PID1: variants seen among roughly 807,000 people sequenced by gnomAD.
PID1 encodes phosphotyrosine interaction domain containing 1, also known as PTB-containing, cubilin and LRP1-interacting protein.
PID1 carries 10 observed loss-of-function variants against 19.1 expected under a neutral mutation model. The ratio of observed to expected loss-of-function variants is 0.52; its 90% CI spans 0.32 to 0.89. The LOEUF (loss-of-function observed/expected upper bound fraction) is 0.89, where lower values mean the gene tolerates loss of function less well. PID1 is among the 40% of genes least tolerant of loss of function. PID1 has a pLI of 0.03. For synonymous variants in PID1, 130 were observed against 116.0 expected, an observed-to-expected ratio of 1.12 and a Z score of -0.78; for missense variants, 248 against 285.3, an observed-to-expected ratio of 0.87 and a Z score of 0.94.
chr2:229,055,182 C>A (rs966211067), intron 2 of PID1, among the ~76,000 whole-genome samples: 1 of 152,202 alleles, frequency 6.6e-6, no homozygotes. Flanking sequence ...GTGAAACATG[C>A]ATGGGTGCCT....
intron 1 of PID1, among the ~76,000 whole-genome samples, chr2:229,214,318 G>A (rs1691799791): frequency 6.6e-6 from 1 of 152,126 alleles, no homozygotes; most frequent in Non-Finnish European, 1.5e-5. Context: ...TTGACCGAGA[G>A]CCTGGAGCAG....
Position 229,102,285 on chromosome 2 carries a change from A to T in PID1, c.177+53533T>A, listed in dbSNP as rs565654960. 4.1e-4 allele frequency among the ~76,000 whole-genome samples: 62 copies of T among 152,092 alleles called. 1 individual carries two copies. The highest frequency in any genetic ancestry group is 1.4e-3 in the African/African-American group (58 of 41,526). On this transcript the variant is annotated intron_variant, in intron 2 of 2. Transcript: ENST00000392055. ...ATATAGAACTGTTCTATAACAAGTT[A>T]AAAAAAATACATTTAAAGACTCATC...
chr2:229,087,876 T>C (rs928456413), intron 2 of PID1, among the ~76,000 whole-genome samples: 3 of 152,144 alleles, frequency 2.0e-5, no homozygotes, highest in African/African-American at 7.2e-5. Flanking sequence ...CCTTTGTCCT[T>C]CAATTAGTCA....
intron 1 of PID1, among the ~76,000 whole-genome samples, chr2:229,162,250 T>C (rs551281370): frequency 6.6e-6 from 1 of 152,282 alleles, no homozygotes; most frequent in South Asian, 2.1e-4. Context: ...CCTGTATAAT[T>C]TTACAGTTGG....
chr2:229,063,574 T>C (rs2106195015), intron 2 of PID1, among the ~76,000 whole-genome samples: 1 of 152,230 alleles, frequency 6.6e-6, no homozygotes, highest in Middle Eastern at 3.4e-3. Flanking sequence ...ATTTCATGTG[T>C]GCTAGAGAAG....
chr2:229,166,353 C>T lies in PID1; in HGVS notation c.31-10389G>A, dbSNP rs372998340. 2.0e-4 allele frequency among the ~76,000 whole-genome samples: 30 copies of T among 152,188 alleles called. No individual in the cohort carries two copies. In the South Asian group the frequency reaches 5.0e-3, roughly 25 times the overall value. On this transcript the variant is annotated intron_variant, in intron 1 of 2. Transcript: ENST00000392055. ...GAGGTACATGAAGAAAGCTTTGTGG[C>T]GATGGTCTCATGCAGGTTTACAAAT...
intron 2 of PID1, among the ~76,000 whole-genome samples, chr2:229,141,488 T>C (rs1167976149): frequency 6.6e-6 from 1 of 152,122 alleles, no homozygotes; most frequent in Admixed American, 6.6e-5. Context: ...ACCTCATGAA[T>C]AGACTAATAG....
chr2:229,095,645 A>T (rs181252856), intron 2 of PID1, among the ~76,000 whole-genome samples: 1 of 152,296 alleles, frequency 6.6e-6, no homozygotes, highest in Non-Finnish European at 1.5e-5. Flanking sequence ...TCATACAAAG[A>T]TACTCATTAT....
intron 2 of PID1, among the ~76,000 whole-genome samples, chr2:229,046,534 T>C (rs1301846514): frequency 6.6e-6 from 1 of 152,068 alleles, no homozygotes; most frequent in Non-Finnish European, 1.5e-5. Context: ...GTGAAAAATC[T>C]TAAGTTCTTT....
intron 1 of PID1, among the ~76,000 whole-genome samples, chr2:229,256,643 A>G (rs145844020): frequency 4.1e-4 from 62 of 152,344 alleles, no homozygotes; most frequent in African/African-American, 1.5e-3. Context: ...TATGAGCAAC[A>G]CACTGAATTC....
chr2:229,089,621 TATTA>T (rs979569063), intron 2 of PID1, among the ~76,000 whole-genome samples: 2 of 152,182 alleles, frequency 1.3e-5, no homozygotes, highest in African/African-American at 4.8e-5. Flanking sequence ...CTAGGAGGCG[TATTA>T]ATTAACTGCA....
intron 1 of PID1, among the ~76,000 whole-genome samples, chr2:229,214,978 C>T (rs1691815600): frequency 6.6e-6 from 1 of 152,116 alleles, no homozygotes; most frequent in African/African-American, 2.4e-5. Flanking sequence ...TCCCCCCTTT[C>T]TCTCTCTCTC....
At chr2:229,190,445 G>A (rs1189768620) in intron 1 of PID1, among the ~76,000 whole-genome samples, 1 of 152,214 alleles carries the variant, frequency 6.6e-6, no homozygotes, top group African/African-American at 2.4e-5. Context: ...CATCCTTGAA[G>A]ACTCCTGGAA....
chr2:229,225,101 T>G (rs1297106578), intron 1 of PID1, among the ~76,000 whole-genome samples: 1 of 152,136 alleles, frequency 6.6e-6, no homozygotes, highest in Non-Finnish European at 1.5e-5. Flanking sequence ...TCCACATCCT[T>G]CTCATACCAT....
intron 1 of PID1, among the ~76,000 whole-genome samples, chr2:229,210,121 AC>A (rs1691694955): frequency 6.6e-6 from 1 of 150,752 alleles, no homozygotes. Flanking sequence ...TTAGTATCAG[AC>A]AGCGACTACT....
chr2:229,258,991 T>G (rs540374582), intron 1 of PID1, among the ~76,000 whole-genome samples: 36 of 151,894 alleles, frequency 2.4e-4, no homozygotes, highest in South Asian at 1.9e-3. Context: ...TCATTTTACC[T>G]TCCCACCAGT....
chr2:229,232,060 G>A (rs779628661), intron 1 of PID1: 35 of 1,537,954 alleles, frequency 2.3e-5, no homozygotes, highest in South Asian at 7.3e-5. Flanking sequence ...AACATGGCAC[G>A]AAGCCTCTTG....
chr2:229,103,630 T>G (rs1032590651), intron 2 of PID1, among the ~76,000 whole-genome samples: 3 of 138,310 alleles, frequency 2.2e-5, no homozygotes, highest in African/African-American at 8.3e-5. Context: ...CAGGCTGGAG[T>G]GCAGCGGTGT....
rs181435317 is a variant in PID1, at chr2:229,226,935, A to T, written c.30+44079T>A. Among the ~76,000 whole-genome samples, 550 of 152,280 alleles carry T rather than the reference A, an allele frequency of 3.6e-3. 5 individuals carry two copies. Among genetic ancestry groups the T allele is most frequent in the Non-Finnish European group, 4.1e-3 (280 of 68,008 alleles). On this transcript the variant is annotated intron_variant, in intron 1 of 2. Coordinates refer to ENST00000392055, the MANE Select transcript of PID1 (RefSeq NM_001100818.2). ...AAAATGGGGTGTTTAGAATTTTTTT[A>T]AAAAATTCTGTAGTGTCAAACTTTC...
Sources: allele counts gnomAD v4.1 joint callset (sites outside exome capture counted in the v4.1 genomes callset), GRCh38; gene constraint gnomAD v4.1.1; transcripts MANE v1.5; gene names NCBI Gene and HGNC (gene_info 2026-07-23, HGNC 2026-07-21).